Variants in RAB3GAP2 observed in about 807,000 individuals in gnomAD.
RAB3GAP2 encodes RAB3 GTPase activating non-catalytic protein subunit 2, also known as rab3 GTPase-activating protein non-catalytic subunit.
RAB3GAP2 carries 87 observed loss-of-function variants against 185.3 expected under a neutral mutation model. The observed-to-expected ratio is 0.47, with a 90% CI of 0.39 to 0.56. RAB3GAP2 has a LOEUF of 0.56. RAB3GAP2 is among the 20% of genes least tolerant of loss of function. The probability of loss-of-function intolerance (pLI) is 0.00; values close to 1 mark genes in which losing one functional copy is unlikely to be tolerated. For synonymous variants in RAB3GAP2, 554 were observed against 576.1 expected (o/e 0.96, Z 0.55); for missense variants, 1,492 against 1,638.2 (o/e 0.91, Z 1.54).
intron 33 of RAB3GAP2, among the ~76,000 whole-genome samples, chr1:220,152,927 C>A (rs142560238): frequency 2.4e-4 from 36 of 152,288 alleles, no homozygotes; most frequent in Non-Finnish European, 3.5e-4. Context: ...TACCAGCAGA[C>A]TATCAAGTCC....
intron 7 of RAB3GAP2, chr1:220,208,002 A>T (rs1659001704): frequency 6.6e-6 from 1 of 152,168 alleles, no homozygotes; most frequent in South Asian, 2.1e-4. Context: ...CAAATAGAAG[A>T]TATTTTTGAT....
intron 2 of RAB3GAP2, among the ~76,000 whole-genome samples, chr1:220,231,018 G>T (rs1340163283): frequency 1.3e-5 from 2 of 152,108 alleles, no homozygotes; most frequent in Non-Finnish European, 2.9e-5. Context: ...CCTTGTAATT[G>T]GTCTTCCTGC....
Position 220,191,125 on chromosome 1 carries a change from A to T in RAB3GAP2, c.1430T>A (p.Val477Glu). The change falls in exon 14 of 35, where the codon GTG (valine) becomes GAG (glutamate). Residue 477 changes from valine to glutamate, a missense_variant. Physicochemically the swap from Val to Glu is moderately radical, Grantham distance 121 (BLOSUM62 -2). Coordinates refer to ENST00000358951, the MANE Select transcript of RAB3GAP2 (RefSeq NM_012414.4). ...IYAPRRGILE[V>E]WSTQQGPRVG... ...TCTAGGTCCCTGCTGTGTGCTCCACACTTCTAAAATTCCCCTTCTTGGCGC... is the reference window on the plus strand; with the variant it reads ...TCTAGGTCCCTGCTGTGTGCTCCACTCTTCTAAAATTCCCCTTCTTGGCGC... 6.2e-7 allele frequency: 1 copy of T among 1,613,954 alleles called. No individual in the cohort carries two copies. The highest frequency in any genetic ancestry group is 8.5e-7 in the Non-Finnish European group (1 of 1,179,954).
Position 220,196,250 on chromosome 1 carries a change from C to G in RAB3GAP2, c.960G>C (p.Glu320Asp), listed in dbSNP as rs1658720853. 6.2e-7 allele frequency: 1 copy of G among 1,612,670 alleles called. No homozygotes were observed. The highest frequency in any genetic ancestry group is 8.5e-7 in the Non-Finnish European group (1 of 1,178,966). Reference sequence around the variant, plus strand: ...TCATGATCATTGATAAAACTCATACCTCTAAAGCATAGAAGAAGCCAGTAA... The same window carrying G: ...TCATGATCATTGATAAAACTCATACGTCTAAAGCATAGAAGAAGCCAGTAA... ...NPFTGFFYAL[E>D]GSTQPLLSHV... is the part of the protein sequence containing the mutation. Residue 320 changes from glutamate to aspartate, a missense_variant and splice_region_variant, in exon 10 of 35, where the codon GAG (glutamate) becomes GAC (aspartate). Physicochemically the swap from Glu to Asp is conservative, Grantham distance 45. This residue lies in a region of RAB3GAP2 where 243 missense variants were observed against 314.8 expected (regional missense o/e 0.77). Coordinates refer to ENST00000358951, the MANE Select transcript of RAB3GAP2 (RefSeq NM_012414.4).
intron 7 of RAB3GAP2, among the ~76,000 whole-genome samples, chr1:220,206,543 T>C (rs1300349425): frequency 6.6e-6 from 1 of 152,242 alleles, no homozygotes; most frequent in Non-Finnish European, 1.5e-5. Flanking sequence ...CCAGTTCATA[T>C]TGACGGACAT....
At chr1:220,177,602 G>T (rs944575816) in intron 21 of RAB3GAP2, among the ~76,000 whole-genome samples, 1 of 151,962 alleles carries the variant, frequency 6.6e-6, no homozygotes, top group Admixed American at 6.6e-5. Flanking sequence ...ATTTTTAAAA[G>T]GTTGAAATAC....
intron 31 of RAB3GAP2, chr1:220,154,514 C>T (rs1657821101): frequency 6.0e-6 from 1 of 166,128 alleles, no homozygotes; most frequent in Admixed American, 5.8e-5. Flanking sequence ...AAGTGAATCA[C>T]CCTGTCCCCA....
intron 19 of RAB3GAP2, 45 bp downstream of exon 19, chr1:220,183,991 A>C: frequency 1.4e-6 from 2 of 1,381,780 alleles, no homozygotes; most frequent in Non-Finnish European, 2.0e-6. Flanking sequence ...AGTAAAACTA[A>C]TCAAAGAGAT....
At chr1:220,177,843 G>T (rs1170007112) in intron 21 of RAB3GAP2, among the ~76,000 whole-genome samples, 1 of 152,104 alleles carries the variant, frequency 6.6e-6, no homozygotes, top group East Asian at 1.9e-4. Context: ...AAATATTGGG[G>T]TTACTGGAGT....
At chr1:220,236,246 G>A (rs752437793) in intron 1 of RAB3GAP2, among the ~76,000 whole-genome samples, 4 of 151,988 alleles carry the variant, frequency 2.6e-5, no homozygotes, top group African/African-American at 4.8e-5. Context: ...GTGCCATCTC[G>A]GTTCACTGCA....
In RAB3GAP2 at chr1:220,151,175, G is replaced by T; in HGVS notation, c.*76C>A. 1 of 1,423,514 alleles carries T rather than the reference G, an allele frequency of 7.0e-7. No individual in the cohort carries two copies. Among genetic ancestry groups the T allele is most frequent in the Non-Finnish European group, 9.7e-7 (1 of 1,025,698 alleles). 88.2% of individuals were successfully genotyped at this position (1,423,514 alleles called of 1,614,324 possible). Reference sequence around the variant, plus strand: ...GACATACTTTTCCCATAAAATTCCAGGTCTTACTATGTAAAATAACCATGC... The same window carrying T: ...GACATACTTTTCCCATAAAATTCCATGTCTTACTATGTAAAATAACCATGC... On this transcript the variant is annotated 3_prime_UTR_variant, in exon 35 of 35. Transcript: ENST00000358951.
chr1:220,252,621 G>A (rs905888630), intron 1 of RAB3GAP2, among the ~76,000 whole-genome samples: 8 of 152,202 alleles, frequency 5.3e-5, no homozygotes, highest in East Asian at 1.9e-4. Flanking sequence ...GTCACCTCCC[G>A]CCAAGAGAAG....
intron 30 of RAB3GAP2, 77 bp from the exon 31 acceptor site, chr1:220,157,565 A>C (rs2102852068): frequency 6.9e-7 from 1 of 1,451,514 alleles, no homozygotes; most frequent in East Asian, 2.3e-5. Context: ...TGAGTTTATT[A>C]GCAGCAAAGT....
At chr1:220,164,667 C>T (rs1346554375) in intron 27 of RAB3GAP2, 66 bp downstream of exon 27, 6 of 1,553,486 alleles carry the variant, frequency 3.9e-6, no homozygotes, top group South Asian at 2.4e-5. Context: ...TTTAAATTCA[C>T]ATCCTGTTAA....
At chr1:220,255,122 C>T (rs17026935) in intron 1 of RAB3GAP2, among the ~76,000 whole-genome samples, 4 of 151,732 alleles carry the variant, frequency 2.6e-5, no homozygotes, top group African/African-American at 9.7e-5. Context: ...ATGCAATGCA[C>T]TGTGTAGCTA....
intron 2 of RAB3GAP2, among the ~76,000 whole-genome samples, chr1:220,228,732 GATA>G (rs994786991): frequency 6.6e-6 from 1 of 152,140 alleles, no homozygotes. Context: ...TTCAAAAATG[GATA>G]ATAAGAACAG....
chr1:220,167,785 C>G, intron 24 of RAB3GAP2, 110 bp from the exon 25 acceptor site: 1 of 1,174,730 alleles, frequency 8.5e-7, no homozygotes, highest in East Asian at 2.3e-5. Flanking sequence ...ATTCATTTCT[C>G]AGCCTGAAGC....
chr1:220,151,460 A>T, intron 34 of RAB3GAP2, 54 bp from the exon 35 acceptor site: 2 of 1,609,032 alleles, frequency 1.2e-6, no homozygotes, highest in Non-Finnish European at 1.7e-6. Flanking sequence ...AATAATTGTT[A>T]TTGACTTAAG....
At chr1:220,189,650 G>C (rs1166839356) in intron 17 of RAB3GAP2, 53 bp downstream of exon 17, 3 of 1,466,704 alleles carry the variant, frequency 2.0e-6, no homozygotes. Flanking sequence ...ATTTTCTTAA[G>C]AAGGATGTAT....
Sources: allele counts gnomAD v4.1 joint callset (sites outside exome capture counted in the v4.1 genomes callset), GRCh38; gene constraint gnomAD v4.1.1; regional missense constraint gnomAD v4.1.1; transcripts MANE v1.5; gene names NCBI Gene and HGNC (gene_info 2026-07-23, HGNC 2026-07-21).